The following MGAT5 variants were observed in gnomAD, a reference collection of about 807,000 sequenced individuals.
The protein encoded by MGAT5 is alpha-1,6-mannosylglycoprotein 6-beta-N-acetylglucosaminyltransferase, also known as alpha-1,6-mannosylglycoprotein 6-beta-N-acetylglucosaminyltransferase A.
A neutral mutation model predicts 94.3 loss-of-function variants in MGAT5; 30 were observed. The ratio of observed to expected loss-of-function variants is 0.32; its 90% confidence interval spans 0.24 to 0.43. The LOEUF (loss-of-function observed/expected upper bound fraction) is 0.43. Among genes scored for constraint, MGAT5 ranks in the 20% least tolerant of loss-of-function variants. The pLI, the probability that MGAT5 is intolerant of heterozygous loss-of-function variation, is 1.00. For synonymous variants in MGAT5, 310 were observed against 322.9 expected (o/e 0.96, Z 0.43); for missense variants, 691 against 905.5 (o/e 0.76, Z 3.04).
intron 2 of MGAT5, among the ~76,000 whole-genome samples, chr2:134,304,911 AT>A: frequency 6.6e-6 from 1 of 152,294 alleles, no homozygotes; most frequent in East Asian, 1.9e-4. Flanking sequence ...AGCCAAGGAC[AT>A]TACCTAGCAG....
At chr2:134,383,608 A>G (rs751353267) in intron 10 of MGAT5, among the ~76,000 whole-genome samples, 4 of 152,152 alleles carry the variant, frequency 2.6e-5, no homozygotes, top group Non-Finnish European at 4.4e-5. Context: ...TTGTTTTTAT[A>G]TTAATAATAC....
At chr2:134,426,466 G>T (rs1684595453) in intron 13 of MGAT5, among the ~76,000 whole-genome samples, 1 of 152,130 alleles carries the variant, frequency 6.6e-6, no homozygotes. Flanking sequence ...CTTTGGAAAT[G>T]TTGTTGGAAT....
chr2:134,322,166 A>ATT (rs1468477465), intron 4 of MGAT5, among the ~76,000 whole-genome samples: 1 of 152,100 alleles, frequency 6.6e-6, no homozygotes, highest in African/African-American at 2.4e-5. Context: ...AATAAGCATA[A>ATT]CTGACACTTC....
chr2:134,429,089 C>G (rs574296355), intron 14 of MGAT5, among the ~76,000 whole-genome samples: 10 of 152,230 alleles, frequency 6.6e-5, no homozygotes, highest in Non-Finnish European at 1.5e-4. Context: ...GACTCAGAAC[C>G]CCTGTGGGTA....
intron 15 of MGAT5, among the ~76,000 whole-genome samples, chr2:134,447,897 C>G (rs1685881619): frequency 6.6e-6 from 1 of 152,212 alleles, no homozygotes; most frequent in South Asian, 2.1e-4. Context: ...TTCAGGCCGT[C>G]TCTGCACATC....
At chr2:134,137,215 T>C (rs1417158316) in intron 1 of MGAT5, among the ~76,000 whole-genome samples, 1 of 152,216 alleles carries the variant, frequency 6.6e-6, no homozygotes, top group Non-Finnish European at 1.5e-5. Flanking sequence ...CCAAGAAATA[T>C]GTTGTGCACA....
At chr2:134,401,085 A>G (rs1165571786) in intron 10 of MGAT5, among the ~76,000 whole-genome samples, 2 of 138,906 alleles carry the variant, frequency 1.4e-5, no homozygotes, top group Non-Finnish European at 3.1e-5. Context: ...TTCTTCTTCT[A>G]CTCCTCTTTT....
chr2:134,266,160 C>CAAAAAAAA (rs371430614), intron 1 of MGAT5, among the ~76,000 whole-genome samples: 55 of 112,556 alleles, frequency 4.9e-4, no homozygotes, highest in African/African-American at 1.6e-3. Context: ...GACTCCATCT[C>CAAAAAAAA]AAAAAAAAAA....
At chr2:134,121,351 G>C (rs1368556612) in intron 1 of MGAT5, among the ~76,000 whole-genome samples, 2 of 152,234 alleles carry the variant, frequency 1.3e-5, no homozygotes, top group African/African-American at 4.8e-5. Flanking sequence ...AGGGTGCAAG[G>C]GGGTGTGTGA....
intron 1 of MGAT5, among the ~76,000 whole-genome samples, chr2:134,179,045 A>T (rs1366883245): frequency 3.3e-5 from 5 of 152,240 alleles, no homozygotes; most frequent in African/African-American, 1.2e-4. Flanking sequence ...GGACATACAG[A>T]GTAGAAGATT....
At chr2:134,246,083 C>G (rs2105467231) in intron 1 of MGAT5, among the ~76,000 whole-genome samples, 1 of 149,558 alleles carries the variant, frequency 6.7e-6, no homozygotes, top group South Asian at 2.1e-4. Context: ...AGGTGTATTT[C>G]AGCTAGTTAA....
chr2:134,398,575 A>ACCCTAAT (rs1163849022), intron 10 of MGAT5, among the ~76,000 whole-genome samples: 8 of 152,166 alleles, frequency 5.3e-5, no homozygotes, highest in African/African-American at 1.9e-4. Context: ...ACATTCCTAT[A>ACCCTAAT]CCCTAATTCA....
chr2:134,295,669 C>G (rs1032007363), intron 2 of MGAT5, among the ~76,000 whole-genome samples: 7 of 152,120 alleles, frequency 4.6e-5, no homozygotes, highest in Non-Finnish European at 1.0e-4. Flanking sequence ...TGCAGCCAAA[C>G]AGGAAAGGGC....
intron 1 of MGAT5, among the ~76,000 whole-genome samples, chr2:134,188,219 G>A (rs1254976173): frequency 6.6e-6 from 1 of 152,272 alleles, no homozygotes; most frequent in Admixed American, 6.5e-5. Context: ...CCATTCTGAG[G>A]TTGGAGAATG....
At chr2:134,289,154 G>A (rs573417022) in intron 2 of MGAT5, among the ~76,000 whole-genome samples, 12 of 152,168 alleles carry the variant, frequency 7.9e-5, no homozygotes, top group African/African-American at 2.9e-4. Context: ...CAAGGTCTCT[G>A]CTTGCCCTAT....
chr2:134,368,617 C>G (rs1680582650), intron 10 of MGAT5, among the ~76,000 whole-genome samples: 1 of 152,226 alleles, frequency 6.6e-6, no homozygotes, highest in Admixed American at 6.5e-5. Flanking sequence ...ATTCTCCATA[C>G]AGCAGCAGCC....
intron 1 of MGAT5, among the ~76,000 whole-genome samples, chr2:134,205,280 C>T (rs959828142): frequency 2.0e-5 from 3 of 152,060 alleles, no homozygotes; most frequent in East Asian, 1.9e-4. Context: ...TTTAGCCCTG[C>T]GGAGGGTGGG....
intron 1 of MGAT5, among the ~76,000 whole-genome samples, chr2:134,221,068 A>T (rs1391336891): frequency 6.6e-6 from 1 of 152,168 alleles, no homozygotes; most frequent in African/African-American, 2.4e-5. Flanking sequence ...TTTTAAGAAA[A>T]TGTGGGTGTT....
At chr2:134,436,176 C>T (rs1378850504) in intron 14 of MGAT5, among the ~76,000 whole-genome samples, 1 of 152,196 alleles carries the variant, frequency 6.6e-6, no homozygotes, top group Non-Finnish European at 1.5e-5. Context: ...GCATCATCCT[C>T]ATTTTATGTG....
Sources: gnomAD v4.1 joint callset for allele counts (sites outside exome capture counted in the v4.1 genomes callset) on GRCh38, gnomAD v4.1.1 for gene constraint, MANE v1.5 for transcripts, NCBI Gene and HGNC (gene_info 2026-07-23, HGNC 2026-07-21) for gene names.